Variants in PXDNL observed in about 807,000 individuals in gnomAD.
The protein encoded by PXDNL is peroxidasin like.
PXDNL carries 145 observed loss-of-function variants against 150.8 expected under a neutral mutation model. The observed-to-expected ratio is 0.96, with a 90% confidence interval of 0.84 to 1.10. The LOEUF is 1.10. Ranked by LOEUF, PXDNL falls within the 50% of genes least tolerant of loss-of-function variation. The pLI is 0.00. For synonymous variants in PXDNL, 757 were observed against 725.7 expected, an observed-to-expected ratio of 1.04 and a Z score of -0.69; for missense variants, 2,087 against 1,873.9, an observed-to-expected ratio of 1.11 and a Z score of -2.10.
chr8:51,457,548 G>A lies in PXDNL; in HGVS notation c.932C>T (p.Ala311Val). 1 of 1,613,704 alleles carries A rather than the reference G, an allele frequency of 6.2e-7. No individual in the cohort carries two copies. Among genetic ancestry groups the A allele is most frequent in the Non-Finnish European group, 8.5e-7 (1 of 1,179,800 alleles). ...GGCACTCTGTGTCTTGGCTTCCCCA[G>A]CGGAATTTCTGGCCATGCACTGATA... ...GVYQCMARNS[A>V]GEAKTQSAML... Residue 311 changes from alanine to valine, a missense_variant, in exon 9 of 23, where the codon GCT becomes GTT. Coordinates refer to ENST00000356297, the MANE Select transcript of PXDNL (RefSeq NM_144651.5).
In PXDNL at chr8:51,544,935, GATCTA is replaced by G. The variant is rs1359127926; in HGVS notation, c.380+11900_380+11904del. The stretch of plus-strand genomic sequence containing the variant: ...AAAACAAACATCTCCGGCACCTTAA[GATCTA>G]TCATTGTTTTGCCAAGATATACTGA... On this transcript the variant is annotated intron_variant, in intron 4 of 22. Coordinates refer to ENST00000356297, the MANE Select transcript of PXDNL (RefSeq NM_144651.5). Among the ~76,000 whole-genome samples, 443 of 152,138 alleles carry G rather than the reference GATCTA, an allele frequency of 2.9e-3. 3 individuals are homozygous for G. Among genetic ancestry groups the G allele is most frequent in the African/African-American group, 0.01 (424 of 41,508 alleles).
chr8:51,790,513 C>A (rs2037501944), intron 1 of PXDNL, among the ~76,000 whole-genome samples: 1 of 152,178 alleles, frequency 6.6e-6, no homozygotes, highest in Non-Finnish European at 1.5e-5. Flanking sequence ...GAGTTGCAAA[C>A]CTTTTCTTAT....
intron 4 of PXDNL, among the ~76,000 whole-genome samples, chr8:51,548,199 A>T (rs1385583612): frequency 6.6e-6 from 1 of 152,156 alleles, no homozygotes; most frequent in African/African-American, 2.4e-5. Context: ...GGATTATGTT[A>T]AACAACCAAA....
chr8:51,712,148 G>A (rs948033293), intron 1 of PXDNL, among the ~76,000 whole-genome samples: 6 of 152,206 alleles, frequency 3.9e-5, no homozygotes, highest in Admixed American at 2.0e-4. Flanking sequence ...CATTGTCTGG[G>A]TGTGGTAACA....
rs150776842 is a variant in PXDNL at position 51,449,061 on chromosome 8, A to G, written c.1307T>C (p.Val436Ala). Reference protein sequence around the residue: ...KDQVVLEEHAVEWLCEADGNP... With the variant: ...KDQVVLEEHAAEWLCEADGNP... Reference sequence around the variant, plus strand: ...GCCGTCAGCTTCACAGAGCCACTCTACAGCATGTTCTTCCAGCACCACTTG... The same window carrying G: ...GCCGTCAGCTTCACAGAGCCACTCTGCAGCATGTTCTTCCAGCACCACTTG... Residue 436 changes from valine (V) to alanine (A), a missense_variant, in exon 11 of 23, where the codon GTA becomes GCA. Coordinates refer to ENST00000356297, the MANE Select transcript of PXDNL (RefSeq NM_144651.5). The G allele has an allele frequency of 3.2e-5, 49 of 1,553,462 alleles. No individual in the cohort carries two copies. In the East Asian group the frequency reaches 8.7e-4, roughly 28 times the overall value.
chr8:51,584,162 A>G (rs1813269756), intron 3 of PXDNL, among the ~76,000 whole-genome samples: 1 of 152,170 alleles, frequency 6.6e-6, no homozygotes, highest in Admixed American at 6.5e-5. Context: ...TTGATGGCAA[A>G]TCTGTACAAG....
At chr8:51,334,978 T>G (rs1805794925) in intron 21 of PXDNL, among the ~76,000 whole-genome samples, 1 of 152,198 alleles carries the variant, frequency 6.6e-6, no homozygotes. Flanking sequence ...TCTATAATTG[T>G]TATTTGGTAA....
intron 4 of PXDNL, among the ~76,000 whole-genome samples, chr8:51,528,931 G>A (rs1811824344): frequency 6.6e-6 from 1 of 152,142 alleles, no homozygotes; most frequent in Non-Finnish European, 1.5e-5. Context: ...ATTTAGCCAG[G>A]CAAGACCCAC....
intron 21 of PXDNL, among the ~76,000 whole-genome samples, chr8:51,334,909 T>G (rs897436578): frequency 2.0e-5 from 3 of 152,228 alleles, no homozygotes; most frequent in Non-Finnish European, 4.4e-5. Context: ...CCAGCCACAC[T>G]GAACATCAAT....
At chr8:51,481,614 G>A (rs1197853962) in intron 6 of PXDNL, among the ~76,000 whole-genome samples, 1 of 152,166 alleles carries the variant, frequency 6.6e-6, no homozygotes, top group East Asian at 1.9e-4. Flanking sequence ...GCCTAGGAGG[G>A]AAAAATGGTT....
intron 3 of PXDNL, among the ~76,000 whole-genome samples, chr8:51,584,211 T>C (rs1813272997): frequency 6.6e-6 from 1 of 152,214 alleles, no homozygotes; most frequent in South Asian, 2.1e-4. Context: ...GATTCAGAGC[T>C]AGATGATGCT....
chr8:51,591,611 T>C (rs189189296), intron 3 of PXDNL, among the ~76,000 whole-genome samples: 8 of 151,326 alleles, frequency 5.3e-5, no homozygotes, highest in Admixed American at 5.3e-4. Flanking sequence ...AAAATGTTCA[T>C]TATCGCCTTA....
intron 1 of PXDNL, among the ~76,000 whole-genome samples, chr8:51,669,426 T>C (rs1815455356): frequency 1.3e-5 from 2 of 152,214 alleles, no homozygotes. Context: ...GCAGTTTTAT[T>C]GTGTGACTGG....
chr8:51,617,845 G>GA (rs1814162174), intron 2 of PXDNL, among the ~76,000 whole-genome samples: 1 of 152,252 alleles, frequency 6.6e-6, no homozygotes, highest in South Asian at 2.1e-4. Flanking sequence ...AGAAAGCCAA[G>GA]AAAGAGGTTT....
intron 2 of PXDNL, among the ~76,000 whole-genome samples, chr8:51,629,091 T>A (rs1814431668): frequency 6.6e-6 from 1 of 151,770 alleles, no homozygotes; most frequent in African/African-American, 2.4e-5. Flanking sequence ...AAATCAACTG[T>A]CTTAAATATG....
intron 17 of PXDNL, among the ~76,000 whole-genome samples, chr8:51,383,180 T>C (rs1807600166): frequency 2.0e-5 from 3 of 152,222 alleles, no homozygotes; most frequent in Admixed American, 2.0e-4. Context: ...CTCTGGAGAA[T>C]GTCAATTCTA....
intron 8 of PXDNL, among the ~76,000 whole-genome samples, chr8:51,458,672 T>A (rs1192977069): frequency 6.6e-6 from 1 of 152,196 alleles, no homozygotes; most frequent in Non-Finnish European, 1.5e-5. Context: ...ATTTGTTTTA[T>A]AAAGCCAGGT....
intron 1 of PXDNL, among the ~76,000 whole-genome samples, chr8:51,801,283 T>C (rs569387020): frequency 7.9e-5 from 12 of 152,168 alleles, no homozygotes; most frequent in African/African-American, 2.6e-4. Context: ...CCTGGTAAAT[T>C]TGAGGTCAGA....
chr8:51,339,501 C>A, intron 21 of PXDNL, 123 bp downstream of exon 21: 2 of 979,294 alleles, frequency 2.0e-6, no homozygotes, highest in Non-Finnish European at 3.0e-6. Context: ...AATACAACTC[C>A]CTGTATAGGT....
Sources: gnomAD v4.1 joint callset for allele counts (sites outside exome capture counted in the v4.1 genomes callset) on GRCh38, gnomAD v4.1.1 for gene constraint, MANE v1.5 for transcripts, NCBI Gene and HGNC (gene_info 2026-07-23, HGNC 2026-07-21) for gene names.